Variants in WDR37 observed in about 807,000 individuals in gnomAD.
The protein encoded by WDR37 is WD repeat-containing protein 37.
Under a neutral mutation model 62.9 loss-of-function variants are expected in WDR37, and 19 were observed. The ratio of observed to expected loss-of-function variants is 0.30; its 90% CI spans 0.21 to 0.44. The LOEUF (loss-of-function observed/expected upper bound fraction) is 0.44. Among genes scored for constraint, WDR37 ranks in the 20% least tolerant of loss-of-function variants. The probability of loss-of-function intolerance (pLI) is 1.00; values close to 1 mark genes in which losing one functional copy is unlikely to be tolerated. For synonymous variants in WDR37, 250 were observed against 260.9 expected (o/e 0.96, Z 0.40); for missense variants, 474 against 657.6 (o/e 0.72, Z 3.05).
chr10:1,128,825 C>T (rs533168540), intron 13 of WDR37, among the ~76,000 whole-genome samples: 11 of 151,162 alleles, frequency 7.3e-5, no homozygotes, highest in African/African-American at 1.5e-4. Context: ...CCATGCTCGG[C>T]GGTCCATGCT....
At chr10:1,110,281 C>G (rs1010085261) in intron 11 of WDR37, among the ~76,000 whole-genome samples, 4 of 152,164 alleles carry the variant, frequency 2.6e-5, no homozygotes, top group African/African-American at 9.7e-5. Flanking sequence ...CCGTGGACGC[C>G]TTTATTGAAC....
chr10:1,082,239 ACTTTCCCTCCTTCTG>A (rs1834049455), intron 5 of WDR37, among the ~76,000 whole-genome samples: 1 of 152,224 alleles, frequency 6.6e-6, no homozygotes, highest in Admixed American at 6.5e-5. Flanking sequence ...TAGCTTTATT[ACTTTCCCTCCTTCTG>A]ACCCAGAGCC....
chr10:1,108,328 T>C (rs948990793), intron 11 of WDR37, among the ~76,000 whole-genome samples: 1 of 152,218 alleles, frequency 6.6e-6, no homozygotes, highest in African/African-American at 2.4e-5. Context: ...TGTTACTTTT[T>C]AGGATATTGA....
At chr10:1,060,416 T>G (rs1833339362) in intron 1 of WDR37, among the ~76,000 whole-genome samples, 2 of 152,236 alleles carry the variant, frequency 1.3e-5, no homozygotes, top group South Asian at 4.1e-4. Flanking sequence ...ATAAAGAGAT[T>G]GAATTTTTAG....
chr10:1,091,548 C>T (rs1258717987), intron 7 of WDR37, among the ~76,000 whole-genome samples: 1 of 152,160 alleles, frequency 6.6e-6, no homozygotes, highest in Admixed American at 6.5e-5. Flanking sequence ...GGTCAAATTT[C>T]CTATATGTTC....
intron 2 of WDR37, among the ~76,000 whole-genome samples, chr10:1,076,236 C>T (rs546567990): frequency 6.6e-5 from 10 of 151,038 alleles, no homozygotes; most frequent in Admixed American, 5.9e-4. Flanking sequence ...TGTGGGTGTG[C>T]GTGTGTGTGT....
chr10:1,124,902 C>A lies in WDR37; in HGVS notation c.1239-8C>A. ...CATGCACAACCCACTTTTACCTCTT[C>A]TTTGCAGGATCAATGTATGTGTCGG... On this transcript the variant is annotated splice_region_variant and splice_polypyrimidine_tract_variant and intron_variant, in intron 12 of 13. Transcript: ENST00000263150. 1 of 1,613,978 alleles carries A rather than the reference C, an allele frequency of 6.2e-7. No homozygotes were observed. The highest frequency in any genetic ancestry group is 8.5e-7 in the Non-Finnish European group (1 of 1,179,958).
intron 1 of WDR37, among the ~76,000 whole-genome samples, chr10:1,069,089 G>A (rs1415869733): frequency 2.6e-5 from 4 of 152,042 alleles, no homozygotes; most frequent in South Asian, 4.1e-4. Flanking sequence ...GTGGGGCTTC[G>A]TTTTGGGGTG....
At chr10:1,079,873 C>G in intron 3 of WDR37, 138 bp from the exon 4 acceptor site, 4 of 660,026 alleles carry the variant, frequency 6.1e-6, no homozygotes, top group East Asian at 3.1e-5. Flanking sequence ...TGTGATCTTG[C>G]TTATTAGAAT....
At chr10:1,061,495 A>G (rs1833372632) in intron 1 of WDR37, among the ~76,000 whole-genome samples, 8 of 152,002 alleles carry the variant, frequency 5.3e-5, no homozygotes, top group Admixed American at 5.2e-4. Context: ...TTGTAGTCAA[A>G]ATGTGGGTGC....
intron 11 of WDR37, among the ~76,000 whole-genome samples, chr10:1,109,981 T>A (rs1246062638): frequency 6.6e-6 from 1 of 152,196 alleles, no homozygotes; most frequent in Non-Finnish European, 1.5e-5. Context: ...AGGCTGTGCT[T>A]CCATTCACCT....
intron 11 of WDR37, among the ~76,000 whole-genome samples, chr10:1,119,874 C>T (rs559370869): frequency 2.6e-5 from 4 of 152,208 alleles, no homozygotes; most frequent in African/African-American, 7.2e-5. Context: ...TTATTTCTGC[C>T]GAGAGGGGTT....
intron 7 of WDR37, among the ~76,000 whole-genome samples, chr10:1,093,242 T>C (rs1048656403): frequency 3.2e-4 from 49 of 152,224 alleles, no homozygotes; most frequent in African/African-American, 1.2e-3. Context: ...GGTCCTAAAC[T>C]ATAGCGATTT....
At chr10:1,069,389 A>ATATATTTTT in intron 1 of WDR37, among the ~76,000 whole-genome samples, 9 of 95,782 alleles carry the variant, frequency 9.4e-5, no homozygotes, top group African/African-American at 4.2e-4. Flanking sequence ...ATATATATAT[A>ATATATTTTT]TTTTTTTTTT....
At chr10:1,114,555 A>AC (rs1249388964) in intron 11 of WDR37, among the ~76,000 whole-genome samples, 4 of 152,200 alleles carry the variant, frequency 2.6e-5, no homozygotes, top group Admixed American at 6.5e-5. Context: ...CACTTAACAG[A>AC]CTACAGGATG....
intron 11 of WDR37, among the ~76,000 whole-genome samples, chr10:1,114,802 C>T (rs907366123): frequency 6.6e-6 from 1 of 152,190 alleles, no homozygotes; most frequent in Non-Finnish European, 1.5e-5. Context: ...TAAGTCTGGC[C>T]CTCTCCTGGC....
intron 1 of WDR37, among the ~76,000 whole-genome samples, chr10:1,058,812 T>C (rs981677624): frequency 3.9e-5 from 6 of 152,264 alleles, no homozygotes; most frequent in Non-Finnish European, 7.3e-5. Context: ...AACAGTGTTA[T>C]TACGATAAAA....
intron 11 of WDR37, among the ~76,000 whole-genome samples, chr10:1,110,815 G>T (rs1467180315): frequency 6.6e-6 from 1 of 152,246 alleles, no homozygotes; most frequent in Non-Finnish European, 1.5e-5. Flanking sequence ...CCTCCGATGG[G>T]TGTCCAGCGT....
intron 7 of WDR37, among the ~76,000 whole-genome samples, chr10:1,091,436 A>G (rs1834384728): frequency 6.6e-6 from 1 of 152,184 alleles, no homozygotes; most frequent in African/African-American, 2.4e-5. Flanking sequence ...AATATTAATA[A>G]TGAGGCTATC....
Sources: allele counts gnomAD v4.1 joint callset (sites outside exome capture counted in the v4.1 genomes callset), GRCh38; gene constraint gnomAD v4.1.1; transcripts MANE v1.5; gene names NCBI Gene and HGNC (gene_info 2026-07-23, HGNC 2026-07-21).